SLC4A10: variants seen among roughly 807,000 people sequenced by gnomAD.
SLC4A10 encodes solute carrier family 4 member 10.
In SLC4A10, 42 loss-of-function variants were observed where a neutral mutation model predicts 137.7. The ratio of observed to expected loss-of-function variants is 0.30; its 90% CI spans 0.24 to 0.39. The LOEUF (loss-of-function observed/expected upper bound fraction) is 0.39, where lower values mean the gene tolerates loss of function less well. SLC4A10 is among the 10% of genes least tolerant of loss of function. SLC4A10 has a pLI of 1.00. For synonymous variants in SLC4A10, 474 were observed against 464.1 expected (o/e 1.02, Z -0.27); for missense variants, 925 against 1,355.0 (o/e 0.68, Z 4.98).
chr2:161,942,891 T>C lies in SLC4A10; in HGVS notation c.2097T>C (p.Thr699=). 1 of 1,588,770 alleles carries C rather than the reference T, an allele frequency of 6.3e-7. No individual in the cohort carries two copies. The highest frequency in any genetic ancestry group is 8.6e-7 in the Non-Finnish European group (1 of 1,166,296). ...SASDIIWENL[T]VSECKSLHGE... ...CTGACATAATTTGGGAGAACCTAAC[T>C]GTGTCAGTAAGTAAAACACTGAAAA... is the stretch of plus-strand genomic sequence containing the variant. Residue 699 remains threonine (T), a synonymous_variant, in exon 16 of 27, where the codon ACT becomes ACC. Transcript: ENST00000446997.
intron 1 of SLC4A10, among the ~76,000 whole-genome samples, chr2:161,662,094 TGGGTA>T (rs1220718187): frequency 1.3e-5 from 2 of 152,188 alleles, no homozygotes; most frequent in African/African-American, 2.4e-5. Flanking sequence ...TATGAATGTT[TGGGTA>T]ATGTATATAT....
At chr2:161,960,887 A>G (rs1455807914) in intron 21 of SLC4A10, among the ~76,000 whole-genome samples, 2 of 152,180 alleles carry the variant, frequency 1.3e-5, no homozygotes, top group Non-Finnish European at 2.9e-5. Context: ...TCTGGCCTCC[A>G]CAAGTGTGGA....
At chr2:161,784,345 C>T (rs751145138) in intron 2 of SLC4A10, among the ~76,000 whole-genome samples, 21 of 151,814 alleles carry the variant, frequency 1.4e-4, no homozygotes, top group African/African-American at 1.9e-4. Flanking sequence ...CCATTACCCA[C>T]GGGCAAAACA....
chr2:161,802,945 G>A (rs1208006372), intron 2 of SLC4A10, among the ~76,000 whole-genome samples: 1 of 151,966 alleles, frequency 6.6e-6, no homozygotes, highest in Non-Finnish European at 1.5e-5. Flanking sequence ...TTTGGGGTTG[G>A]GACTTTAAAA....
At chr2:161,807,302 C>T (rs1337007446) in intron 3 of SLC4A10, among the ~76,000 whole-genome samples, 2 of 152,128 alleles carry the variant, frequency 1.3e-5, no homozygotes, top group Admixed American at 6.6e-5. Flanking sequence ...AAAGCATATT[C>T]AGAATACCAC....
intron 15 of SLC4A10, among the ~76,000 whole-genome samples, chr2:161,925,785 A>G (rs1253218741): frequency 1.3e-5 from 2 of 151,954 alleles, no homozygotes; most frequent in African/African-American, 4.8e-5. Flanking sequence ...GAACATCTTT[A>G]TTTCTGCCTT....
chr2:161,881,827 T>TC (rs986476801), intron 9 of SLC4A10, among the ~76,000 whole-genome samples: 5 of 152,006 alleles, frequency 3.3e-5, no homozygotes, highest in African/African-American at 1.2e-4. Context: ...GATCATTAAC[T>TC]CCCCATTTTC....
At chr2:161,891,388 G>A (rs2062905112) in intron 10 of SLC4A10, among the ~76,000 whole-genome samples, 1 of 152,068 alleles carries the variant, frequency 6.6e-6, no homozygotes, top group Admixed American at 6.6e-5. Flanking sequence ...CTTGAAGAAT[G>A]TTTTCCAACT....
At chr2:161,759,305 A>G (rs989842716) in intron 1 of SLC4A10, among the ~76,000 whole-genome samples, 6 of 151,978 alleles carry the variant, frequency 3.9e-5, no homozygotes, top group Non-Finnish European at 7.4e-5. Flanking sequence ...CCATCAGCAT[A>G]CATAGTTACG....
intron 1 of SLC4A10, among the ~76,000 whole-genome samples, chr2:161,724,248 T>G (rs1159167919): frequency 6.6e-6 from 1 of 152,238 alleles, no homozygotes; most frequent in Non-Finnish European, 1.5e-5. Flanking sequence ...TTCTAAAATG[T>G]AAACCAGAAT....
chr2:161,636,977 A>G (rs951693705), intron 1 of SLC4A10, among the ~76,000 whole-genome samples: 1 of 149,404 alleles, frequency 6.7e-6, no homozygotes, highest in Non-Finnish European at 1.5e-5. Context: ...TCCGCCTCCC[A>G]AAACCACTGG....
At chr2:161,938,563 C>A (rs1231047722) in intron 15 of SLC4A10, among the ~76,000 whole-genome samples, 1 of 150,854 alleles carries the variant, frequency 6.6e-6, no homozygotes, top group Non-Finnish European at 1.5e-5. Context: ...TAATCTATAA[C>A]CTATAACATG....
intron 9 of SLC4A10, among the ~76,000 whole-genome samples, chr2:161,881,042 A>T (rs528751285): frequency 1.2e-4 from 19 of 152,120 alleles, no homozygotes; most frequent in Non-Finnish European, 2.4e-4. Context: ...GAGCAACTGT[A>T]TGAGAAAAGA....
intron 1 of SLC4A10, among the ~76,000 whole-genome samples, chr2:161,755,055 T>C (rs2049453458): frequency 6.6e-6 from 1 of 152,164 alleles, no homozygotes; most frequent in Non-Finnish European, 1.5e-5. Flanking sequence ...TAGTGTTCAT[T>C]AGATATGAAA....
intron 4 of SLC4A10, among the ~76,000 whole-genome samples, chr2:161,842,312 A>T (rs2059235095): frequency 1.3e-5 from 2 of 152,200 alleles, no homozygotes; most frequent in Admixed American, 6.5e-5. Flanking sequence ...AGTGTATGAG[A>T]GTGCTTATTT....
intron 3 of SLC4A10, among the ~76,000 whole-genome samples, chr2:161,819,501 C>CTTTTTTT (rs112848503): frequency 0.065 from 9,419 of 144,278 alleles, 378 homozygotes; most frequent in East Asian, 0.14. Context: ...TAAAATTTCA[C>CTTTTTTT]TTTTTTTTTT....
At chr2:161,655,863 G>A (rs1558957693) in intron 1 of SLC4A10, among the ~76,000 whole-genome samples, 1 of 149,676 alleles carries the variant, frequency 6.7e-6, no homozygotes, top group Admixed American at 6.6e-5. Context: ...CACCCAGGCT[G>A]GAGTGCAGTG....
At chr2:161,928,760 C>A (rs1689744614) in intron 15 of SLC4A10, among the ~76,000 whole-genome samples, 1 of 151,312 alleles carries the variant, frequency 6.6e-6, no homozygotes, top group African/African-American at 2.4e-5. Flanking sequence ...TTCCTCCCAT[C>A]TATAAAATGT....
chr2:161,715,631 G>A (rs2044772368), intron 1 of SLC4A10, among the ~76,000 whole-genome samples: 1 of 152,018 alleles, frequency 6.6e-6, no homozygotes, highest in Non-Finnish European at 1.5e-5. Context: ...AGATGATAAT[G>A]GCTTCCAGCT....
Sources: gnomAD v4.1 joint callset for allele counts (sites outside exome capture counted in the v4.1 genomes callset) on GRCh38, gnomAD v4.1.1 for gene constraint, MANE v1.5 for transcripts, NCBI Gene and HGNC (gene_info 2026-07-23, HGNC 2026-07-21) for gene names.